The following MICU2 variants were observed in gnomAD, a reference collection of about 807,000 sequenced individuals.
The protein encoded by MICU2 is mitochondrial calcium uptake 2, also known as calcium uptake protein 2, mitochondrial.
In MICU2, 64 loss-of-function variants were observed where a neutral mutation model predicts 60.4. The observed-to-expected ratio is 1.06, with a 90% CI of 0.87 to 1.31. The LOEUF is 1.31. MICU2 is among the 50% of genes most tolerant of loss of function. The probability of loss-of-function intolerance (pLI) is 0.00; values close to 1 mark genes in which losing one functional copy is unlikely to be tolerated. For synonymous variants in MICU2, 201 were observed against 175.0 expected (o/e 1.15, Z -1.17); for missense variants, 569 against 531.0 (o/e 1.07, Z -0.70).
chr13:21,598,677 C>T (rs1464168590), intron 1 of MICU2, among the ~76,000 whole-genome samples: 2 of 152,064 alleles, frequency 1.3e-5, no homozygotes, highest in Non-Finnish European at 2.9e-5. Flanking sequence ...GATTGCACCA[C>T]TGCACTCCAG....
intron 4 of MICU2, among the ~76,000 whole-genome samples, chr13:21,525,424 CT>C (rs1451675269): frequency 6.6e-6 from 1 of 151,800 alleles, no homozygotes; most frequent in Non-Finnish European, 1.5e-5. Flanking sequence ...ATCTCCTGAC[CT>C]CGTGATCTGC....
At chr13:21,537,345 A>G (rs1887155232) in intron 4 of MICU2, among the ~76,000 whole-genome samples, 1 of 152,182 alleles carries the variant, frequency 6.6e-6, no homozygotes, top group African/African-American at 2.4e-5. Flanking sequence ...GTTCTCTTCT[A>G]GTCCTTGAAG....
chr13:21,494,466 T>C (rs1885940763), intron 11 of MICU2, among the ~76,000 whole-genome samples: 1 of 152,330 alleles, frequency 6.6e-6, no homozygotes, highest in Non-Finnish European at 1.5e-5. Flanking sequence ...ATAATGCTAA[T>C]AGTGAAATTT....
chr13:21,566,959 A>C lies in MICU2; in HGVS notation c.211-15T>G. ...TCAACATTTTTCTAAAAGAAAAATAAATTGCAATTGAAGATTTTTTCAGTG... is the reference window on the plus strand; with the variant it reads ...TCAACATTTTTCTAAAAGAAAAATACATTGCAATTGAAGATTTTTTCAGTG... On this transcript the variant is annotated splice_polypyrimidine_tract_variant and intron_variant, in intron 1 of 11. Coordinates refer to ENST00000382374, the MANE Select transcript of MICU2 (RefSeq NM_152726.3). 1 of 1,585,252 alleles carries C rather than the reference A, an allele frequency of 6.3e-7. No homozygotes were observed. The highest frequency in any genetic ancestry group is 1.1e-5 in the South Asian group (1 of 87,434).
At chr13:21,570,411 T>C (rs990692305) in intron 1 of MICU2, among the ~76,000 whole-genome samples, 1 of 152,216 alleles carries the variant, frequency 6.6e-6, no homozygotes, top group African/African-American at 2.4e-5. Context: ...TTTTAACCTT[T>C]TATTCATCTG....
At chr13:21,561,252 C>T (rs1887832902) in intron 2 of MICU2, among the ~76,000 whole-genome samples, 1 of 152,080 alleles carries the variant, frequency 6.6e-6, no homozygotes, top group Non-Finnish European at 1.5e-5. Context: ...AGGTTAGCTT[C>T]AGAATGTATA....
chr13:21,510,068 T>C lies in MICU2; in HGVS notation c.697A>G (p.Thr233Ala). 6.6e-7 allele frequency: 1 copy of C among 1,521,216 alleles called. No homozygotes were observed. The highest frequency in any genetic ancestry group is 1.4e-5 in the South Asian group (1 of 71,312). 94.2% of individuals were successfully genotyped at this position (1,521,216 alleles called of 1,614,324 possible). A position where few individuals can be genotyped will look rare whatever the true frequency, so the allele number is the denominator to read the frequency against. The change falls in exon 8 of 12, where the codon ACT (threonine) becomes GCT (alanine). Residue 233 changes from threonine (T) to alanine (A), a missense_variant. Transcript: ENST00000382374. ...AIVKEPEINTTLQMRFFGKRG... is the reference protein window; with the variant it reads ...AIVKEPEINTALQMRFFGKRG... ...TTTCCAAAGAAACGCATCTGAAGAG[T>C]TGTGTTAATTTCAGGTTCTTTCACT...
intron 1 of MICU2, among the ~76,000 whole-genome samples, chr13:21,594,552 C>G (rs533084404): frequency 1.3e-5 from 2 of 152,296 alleles, no homozygotes; most frequent in South Asian, 2.1e-4. Context: ...GAATATAAAT[C>G]ATTCTACTAT....
At chr13:21,559,960 A>G (rs1005604205) in intron 2 of MICU2, among the ~76,000 whole-genome samples, 8 of 152,244 alleles carry the variant, frequency 5.3e-5, no homozygotes, top group African/African-American at 1.9e-4. Flanking sequence ...TATTGTAGTC[A>G]CTAATAAGGG....
intron 10 of MICU2, chr13:21,495,818 G>A (rs1015430068): frequency 2.7e-6 from 1 of 367,940 alleles, no homozygotes; most frequent in South Asian, 3.5e-5. Flanking sequence ...ACAGGCATGA[G>A]CCACCATGCC....
chr13:21,544,532 A>AAAAAC (rs560934524), intron 2 of MICU2, among the ~76,000 whole-genome samples: 2,900 of 132,526 alleles, frequency 0.022, 134 homozygotes, highest in Non-Finnish European at 0.032. Flanking sequence ...AAAAAAAAAA[A>AAAAAC]AACTCAATAC....
At chr13:21,594,530 A>G (rs1486305942) in intron 1 of MICU2, among the ~76,000 whole-genome samples, 3 of 152,246 alleles carry the variant, frequency 2.0e-5, no homozygotes, top group African/African-American at 7.2e-5. Flanking sequence ...ATTACTGGGT[A>G]TATAACCAAA....
chr13:21,542,544 CTT>C (rs1887308621), intron 2 of MICU2, among the ~76,000 whole-genome samples: 1 of 151,966 alleles, frequency 6.6e-6, no homozygotes, highest in African/African-American at 2.4e-5. Flanking sequence ...TATTCACACA[CTT>C]ATGTATGAAA....
chr13:21,594,698 A>G (rs1326243504), intron 1 of MICU2, among the ~76,000 whole-genome samples: 1 of 152,272 alleles, frequency 6.6e-6, no homozygotes, highest in African/African-American at 2.4e-5. Context: ...CTATGCAGCC[A>G]TAAAAGGGAA....
intron 1 of MICU2, among the ~76,000 whole-genome samples, chr13:21,600,524 G>A (rs939406833): frequency 2.0e-5 from 3 of 152,108 alleles, no homozygotes; most frequent in Non-Finnish European, 4.4e-5. Flanking sequence ...CATAAACTGT[G>A]TCTCTAATCC....
At chr13:21,559,861 G>A (rs779032157) in intron 2 of MICU2, among the ~76,000 whole-genome samples, 2 of 152,144 alleles carry the variant, frequency 1.3e-5, no homozygotes, top group Non-Finnish European at 2.9e-5. Flanking sequence ...CCAACTAACA[G>A]TGTATAAAAA....
Position 21,539,661 on chromosome 13 carries a change from T to A in MICU2, c.386A>T (p.Lys129Ile). Residue 129 changes from lysine to isoleucine, a missense_variant, in exon 3 of 12, where the codon AAA becomes ATA. Transcript: ENST00000382374. ...ERKTSVKKLT[K>I]KDIEDTLSGI... ...CCCCCACAACATGATGCTTACCTTT[T>A]TTGTCAGCTTCTTGACTGAAGTTTT... The A allele has an allele frequency of 6.2e-7, 1 of 1,614,164 alleles. No individual in the cohort carries two copies. Among genetic ancestry groups the A allele is most frequent in the Non-Finnish European group, 8.5e-7 (1 of 1,180,020 alleles).
In MICU2 at chr13:21,579,363, G is replaced by A. The variant is rs575412226; in HGVS notation, c.211-12419C>T. On this transcript the variant is annotated intron_variant, in intron 1 of 11. Transcript: ENST00000382374. ...TCTGCCTTTTTTTTTTTTTTGAGAT[G>A]GAGTTTCATTCTTGTTGCCCAGATT... Among the ~76,000 whole-genome samples, 4 of 130,230 alleles carry A rather than the reference G, an allele frequency of 3.1e-5. No homozygotes were observed. The East Asian group carries it at 9.3e-4, about 30-fold the overall frequency. The allele number at this position is 130,230 out of a possible 152,430, so 85.4% of individuals were successfully genotyped here.
rs114612527 is a variant in MICU2, at chr13:21,601,143, A to G, written c.210+2796T>C. ...GGGCCGCGTCAGGAAGAGTTTACCA[A>G]CTTGGAATACCAATGTAACTATATT... On this transcript the variant is annotated intron_variant, in intron 1 of 11. Transcript: ENST00000382374. Among the ~76,000 whole-genome samples, 1,190 of 152,318 alleles carry G rather than the reference A, an allele frequency of 7.8e-3. 21 individuals are homozygous for G. Among genetic ancestry groups the G allele is most frequent in the African/African-American group, 0.027 (1,126 of 41,568 alleles).
Sources: allele counts gnomAD v4.1 joint callset (sites outside exome capture counted in the v4.1 genomes callset), GRCh38; gene constraint gnomAD v4.1.1; transcripts MANE v1.5; gene names NCBI Gene and HGNC (gene_info 2026-07-23, HGNC 2026-07-21).